Variants in CNTRL observed in about 807,000 individuals in gnomAD.
The protein encoded by CNTRL is centriolin, also known as 110 kDa centrosomal protein.
CNTRL carries 233 observed loss-of-function variants against 303.7 expected under a neutral mutation model. The observed-to-expected ratio is 0.77, with a 90% CI of 0.69 to 0.86. The LOEUF (loss-of-function observed/expected upper bound fraction) is 0.86. CNTRL is among the 40% of genes least tolerant of loss of function. CNTRL has a pLI of 0.00. For synonymous variants in CNTRL, 900 were observed against 922.2 expected (o/e 0.98, Z 0.44); for missense variants, 2,524 against 2,650.6 (o/e 0.95, Z 1.05).
At chr9:121,144,126 T>A (rs1331761738) in intron 20 of CNTRL, 44 bp downstream of exon 20, 1 of 1,505,528 alleles carries the variant, frequency 6.6e-7, no homozygotes, top group Non-Finnish European at 9.0e-7. Flanking sequence ...ATGATGCTGC[T>A]GTCAAAAAAC....
chr9:121,145,125 C>A, intron 21 of CNTRL, 119 bp from the exon 22 acceptor site: 1 of 1,238,284 alleles, frequency 8.1e-7, no homozygotes, highest in Non-Finnish European at 1.1e-6. Context: ...CCAAGTAATG[C>A]AGTTTCCTCA....
intron 23 of CNTRL, 79 bp downstream of exon 23, chr9:121,146,335 T>C: frequency 7.0e-7 from 1 of 1,419,682 alleles, no homozygotes; most frequent in Non-Finnish European, 9.6e-7. Flanking sequence ...CCCAAATTTA[T>C]GAACAGGTAC....
chr9:121,161,260 T>C (rs1040670432), intron 32 of CNTRL: 5 of 445,920 alleles, frequency 1.1e-5, no homozygotes, highest in Middle Eastern at 3.0e-4. Context: ...TTTTCTCTTA[T>C]GCTTTTTTTT....
intron 24 of CNTRL, among the ~76,000 whole-genome samples, chr9:121,149,410 T>G (rs2052080564): frequency 2.9e-5 from 1 of 35,068 alleles, no homozygotes; most frequent in South Asian, 0.011. Flanking sequence ...TGTTTTTTGT[T>G]TTTTTTTTTG....
chr9:121,171,194 A>T (rs1244882708), intron 39 of CNTRL: 9 of 633,302 alleles, frequency 1.4e-5, no homozygotes, highest in Non-Finnish European at 2.6e-5. Flanking sequence ...ATAGTAGCTT[A>T]TTATCAAAGG....
chr9:121,092,543 TATATATATCTATATATATA>T (rs2048656214), intron 4 of CNTRL, among the ~76,000 whole-genome samples: 1 of 1,676 alleles, frequency 6.0e-4, no homozygotes, highest in Non-Finnish European at 1.6e-3. Flanking sequence ...CTATATATAT[TATATATATCTATATATATA>T]ATATATATCT....
intron 3 of CNTRL, 80 bp downstream of exon 3, chr9:121,088,623 C>T (rs1219609031): frequency 1.3e-6 from 1 of 772,530 alleles, no homozygotes; most frequent in African/African-American, 1.7e-5. Flanking sequence ...CATTTTTGGT[C>T]CAACTGTAAC....
chr9:121,163,427 A>G (rs985360992), intron 34 of CNTRL, among the ~76,000 whole-genome samples: 17 of 151,632 alleles, frequency 1.1e-4, no homozygotes, highest in Non-Finnish European at 2.5e-4. Flanking sequence ...AACATAAAAC[A>G]TAGCAGAAAA....
rs190059190 is a variant in CNTRL at position 121,105,774 on chromosome 9, T to A, written c.809-2028T>A. On this transcript the variant is annotated intron_variant, in intron 7 of 43. Coordinates refer to ENST00000373855, the MANE Select transcript of CNTRL (RefSeq NM_007018.6). ...GCTTTAGATTGGCAACAGGTGATAA[T>A]GATCTTGACAGGAGTAGTTAAGGAA... Among the ~76,000 whole-genome samples the A allele has an allele frequency of 3.1e-3, 474 of 152,302 alleles. 3 individuals are homozygous for A. Among genetic ancestry groups the A allele is most frequent in the African/African-American group, 0.011 (458 of 41,566 alleles).
In CNTRL at chr9:121,152,654, A is replaced by G. The variant is rs1289869936; in HGVS notation, c.4133A>G (p.Glu1378Gly). 2 of 1,613,982 alleles carry G rather than the reference A, an allele frequency of 1.2e-6. No individual in the cohort carries two copies. Among genetic ancestry groups the G allele is most frequent in the Admixed American group, 3.3e-5 (2 of 60,030 alleles). The change falls in exon 26 of 44, where the codon GAA (glutamate) becomes GGA (glycine). Residue 1378 changes from glutamate to glycine, a missense_variant. Coordinates refer to ENST00000373855, the MANE Select transcript of CNTRL (RefSeq NM_007018.6). ...AAGAAAAGCTTAGAGTGTGAAGTAG[A>G]AGAATTACATAGAACTGTCCAGAAA... is the stretch of plus-strand genomic sequence containing the variant. ...QEKKSLECEVEELHRTVQKRQ... is the reference protein window; with the variant it reads ...QEKKSLECEVGELHRTVQKRQ...
intron 32 of CNTRL, chr9:121,161,316 G>GA: frequency 2.3e-6 from 1 of 425,534 alleles, no homozygotes; most frequent in Non-Finnish European, 4.4e-6. Flanking sequence ...TCTATGATCA[G>GA]AAAAAAAGTT....
chr9:121,121,954 A>G (rs182074750), intron 12 of CNTRL: 7 of 983,706 alleles, frequency 7.1e-6, no homozygotes, highest in South Asian at 4.7e-5. Flanking sequence ...AAGTTAAGGT[A>G]TGATATTTTT....
intron 43 of CNTRL, 142 bp from the exon 44 acceptor site, chr9:121,177,021 G>T: frequency 1.5e-6 from 1 of 670,534 alleles, no homozygotes; most frequent in Non-Finnish European, 2.6e-6. Flanking sequence ...TCAGAATTTT[G>T]TACACTGGTT....
At chr9:121,112,408 A>G (rs2049785928) in intron 8 of CNTRL, 51 bp from the exon 9 acceptor site, 1 of 1,573,502 alleles carries the variant, frequency 6.4e-7, no homozygotes, top group Non-Finnish European at 8.7e-7. Flanking sequence ...TCACACCTTT[A>G]TACTAACTTA....
rs734177 is a variant in CNTRL, at chr9:121,169,136, T to C, written c.6071-475T>C. Among the ~76,000 whole-genome samples, 288 of 152,350 alleles carry C rather than the reference T, an allele frequency of 1.9e-3. 3 individuals carry two copies. The East Asian group carries it at 0.025, about 13-fold the overall frequency. ...CAGGCGTTTGCACACATTATTCCAA[T>C]TGAACATCAGGAAATGTTTTCCTCT... On this transcript the variant is annotated intron_variant, in intron 38 of 43. Transcript: ENST00000373855.
Position 121,138,520 on chromosome 9 carries a change from A to C in CNTRL, c.2203-25A>C, listed in dbSNP as rs1484379673. ...TAAATTATTGCTGTTTTACACTTTC[A>C]TGTCATTGCTTCCTATGGTGACAGT... On this transcript the variant is annotated intron_variant, in intron 15 of 43. Coordinates refer to ENST00000373855, the MANE Select transcript of CNTRL (RefSeq NM_007018.6). The C allele has an allele frequency of 2.5e-6, 4 of 1,605,446 alleles. No homozygotes were observed. In the African/African-American group the frequency reaches 4.0e-5, roughly 16 times the overall value.
intron 5 of CNTRL, among the ~76,000 whole-genome samples, chr9:121,095,695 C>G (rs983712683): frequency 2.6e-5 from 4 of 152,064 alleles, no homozygotes; most frequent in Non-Finnish European, 5.9e-5. Context: ...ATTAATGAAC[C>G]AAACCCTTAT....
intron 38 of CNTRL, 106 bp from the exon 39 acceptor site, chr9:121,169,505 G>C: frequency 9.3e-7 from 1 of 1,075,906 alleles, no homozygotes; most frequent in Non-Finnish European, 1.4e-6. Context: ...GAAAGCACCT[G>C]CATGGGTAGC....
intron 25 of CNTRL, among the ~76,000 whole-genome samples, chr9:121,151,384 C>CTT (rs200247383): frequency 0.083 from 7,425 of 89,250 alleles, 732 homozygotes; most frequent in South Asian, 0.14. Context: ...CTTTTTTCTT[C>CTT]TTCTTTTTTT....
Sources: gnomAD v4.1 joint callset for allele counts (sites outside exome capture counted in the v4.1 genomes callset) on GRCh38, gnomAD v4.1.1 for gene constraint, MANE v1.5 for transcripts, NCBI Gene and HGNC (gene_info 2026-07-23, HGNC 2026-07-21) for gene names.